The following NEGR1 variants were observed in gnomAD, a reference collection of about 807,000 sequenced individuals.
The protein encoded by NEGR1 is IgLON family member 4.
In NEGR1, 10 loss-of-function variants were observed where a neutral mutation model predicts 40.9. That is an observed-to-expected ratio of 0.24 (90% CI 0.15 to 0.42). NEGR1 has a LOEUF of 0.42. Among genes scored for constraint, NEGR1 ranks in the 10% least tolerant of loss-of-function variants. NEGR1 has a pLI of 1.00. For synonymous variants in NEGR1, 185 were observed against 166.8 expected, an observed-to-expected ratio of 1.11 and a Z score of -0.84; for missense variants, 352 against 438.9, an observed-to-expected ratio of 0.80 and a Z score of 1.77.
At chr1:71,447,526 A>T (rs1366923079) in intron 6 of NEGR1, among the ~76,000 whole-genome samples, 1 of 152,148 alleles carries the variant, frequency 6.6e-6, no homozygotes, top group Non-Finnish European at 1.5e-5. Context: ...AGGGAGTAAA[A>T]ATCTTCTGCA....
At chr1:71,446,652 G>A (rs1048716894) in intron 6 of NEGR1, among the ~76,000 whole-genome samples, 1 of 152,060 alleles carries the variant, frequency 6.6e-6, no homozygotes, top group Admixed American at 6.5e-5. Flanking sequence ...AATGGAATCT[G>A]GTTACTCATA....
intron 6 of NEGR1, among the ~76,000 whole-genome samples, chr1:71,412,970 T>G (rs1171106268): frequency 6.6e-6 from 1 of 152,212 alleles, no homozygotes; most frequent in African/African-American, 2.4e-5. Flanking sequence ...CTGTCATTCT[T>G]TCTAGTTCTT....
intron 4 of NEGR1, among the ~76,000 whole-genome samples, chr1:71,682,377 T>C (rs1472538704): frequency 1.3e-5 from 2 of 152,186 alleles, no homozygotes; most frequent in Non-Finnish European, 2.9e-5. Flanking sequence ...TTTTGTAAAG[T>C]TTATTTTTCT....
At chr1:71,977,736 G>A (rs1646318039) in intron 1 of NEGR1, among the ~76,000 whole-genome samples, 1 of 144,226 alleles carries the variant, frequency 6.9e-6, no homozygotes, top group South Asian at 2.1e-4. Flanking sequence ...AATTATAATG[G>A]GCAACATTCT....
chr1:71,683,690 C>T (rs1357160250), intron 4 of NEGR1, among the ~76,000 whole-genome samples: 2 of 151,390 alleles, frequency 1.3e-5, no homozygotes, highest in African/African-American at 2.4e-5. Flanking sequence ...CTGAGTACAG[C>T]TTTCCTTCAC....
intron 3 of NEGR1, among the ~76,000 whole-genome samples, chr1:71,750,529 G>A (rs1655537849): frequency 6.6e-6 from 1 of 152,158 alleles, no homozygotes; most frequent in Non-Finnish European, 1.5e-5. Context: ...CAGAAGGGAA[G>A]GAGGAGCAAG....
chr1:71,430,982 C>T (rs898728710), intron 6 of NEGR1, among the ~76,000 whole-genome samples: 4 of 151,888 alleles, frequency 2.6e-5, no homozygotes, highest in South Asian at 2.1e-4. Context: ...CTCCTGACCT[C>T]GTGATCCGCC....
chr1:71,820,498 A>G (rs369736658), intron 2 of NEGR1, among the ~76,000 whole-genome samples: 2 of 152,106 alleles, frequency 1.3e-5, no homozygotes, highest in African/African-American at 4.8e-5. Flanking sequence ...GTTGGACACA[A>G]GATTTAAGTT....
At chr1:71,909,439 T>C (rs1035465822) in intron 2 of NEGR1, among the ~76,000 whole-genome samples, 1 of 152,222 alleles carries the variant, frequency 6.6e-6, no homozygotes, top group Non-Finnish European at 1.5e-5. Context: ...TTGAATGTGA[T>C]TGCTTTGTTA....
intron 2 of NEGR1, among the ~76,000 whole-genome samples, chr1:71,780,511 T>G (rs1656679960): frequency 6.6e-6 from 1 of 152,222 alleles, no homozygotes; most frequent in East Asian, 1.9e-4. Context: ...AATTGTTGTG[T>G]ATTACCAGTT....
At chr1:72,253,830 A>G (rs1273252114) in intron 1 of NEGR1, among the ~76,000 whole-genome samples, 1 of 152,236 alleles carries the variant, frequency 6.6e-6, no homozygotes, top group Non-Finnish European at 1.5e-5. Flanking sequence ...GATTTCAAGG[A>G]ACTGAAATTG....
At chr1:71,969,070 A>AATGGTGCG (rs1239731898) in intron 1 of NEGR1, among the ~76,000 whole-genome samples, 7 of 151,470 alleles carry the variant, frequency 4.6e-5, no homozygotes, top group Non-Finnish European at 8.8e-5. Context: ...GCTGGAGTGC[A>AATGGTGCG]ATGGTGCGAT....
At chr1:71,964,526 A>G (rs1163733559) in intron 1 of NEGR1, among the ~76,000 whole-genome samples, 1 of 152,152 alleles carries the variant, frequency 6.6e-6, no homozygotes, top group Non-Finnish European at 1.5e-5. Flanking sequence ...AGAGGCCTCC[A>G]GGTAATTTCA....
At chr1:72,046,649 G>T (rs1647004969) in intron 1 of NEGR1, among the ~76,000 whole-genome samples, 1 of 151,466 alleles carries the variant, frequency 6.6e-6, no homozygotes, top group Non-Finnish European at 1.5e-5. Context: ...CAAATCTAAG[G>T]ACACTAAAAA....
At chr1:71,688,019 T>C (rs1653095175) in intron 4 of NEGR1, among the ~76,000 whole-genome samples, 1 of 151,990 alleles carries the variant, frequency 6.6e-6, no homozygotes, top group African/African-American at 2.4e-5. Flanking sequence ...ATATTTTATA[T>C]TTATTTATTT....
chr1:72,270,400 G>C (rs1655802602), intron 1 of NEGR1, among the ~76,000 whole-genome samples: 1 of 151,882 alleles, frequency 6.6e-6, no homozygotes, highest in Non-Finnish European at 1.5e-5. Flanking sequence ...GCAATGTATA[G>C]GGAAAGTTCT....
chr1:72,198,809 C>T (rs1485037090), intron 1 of NEGR1, among the ~76,000 whole-genome samples: 1 of 151,652 alleles, frequency 6.6e-6, no homozygotes, highest in Non-Finnish European at 1.5e-5. Context: ...TTAAAGATTG[C>T]CTCAAATATT....
chr1:71,991,854 C>T (rs1444768453), intron 1 of NEGR1, among the ~76,000 whole-genome samples: 15 of 152,122 alleles, frequency 9.9e-5, no homozygotes, highest in Admixed American at 6.5e-5. Context: ...TGCAGTGGCA[C>T]GATCTCGACT....
chr1:71,622,010 C>A (rs1246678342), intron 4 of NEGR1, among the ~76,000 whole-genome samples: 1 of 151,818 alleles, frequency 6.6e-6, no homozygotes, highest in Admixed American at 6.6e-5. Context: ...AGAATTTATT[C>A]ATATTGTTCT....
Sources: gnomAD v4.1 joint callset for allele counts (sites outside exome capture counted in the v4.1 genomes callset) on GRCh38, gnomAD v4.1.1 for gene constraint, MANE v1.5 for transcripts, NCBI Gene and HGNC (gene_info 2026-07-23, HGNC 2026-07-21) for gene names.